Variants in CSMD3 observed in about 807,000 individuals in gnomAD.
CSMD3 encodes the protein CUB and sushi domain-containing protein 3.
A neutral mutation model predicts 435.2 loss-of-function variants in CSMD3; 177 were observed. The observed-to-expected ratio is 0.41, with a 90% CI of 0.36 to 0.46. The LOEUF (loss-of-function observed/expected upper bound fraction) is 0.46, where lower values mean the gene tolerates loss of function less well. CSMD3 is among the 20% of genes least tolerant of loss of function. The pLI is 0.34. For synonymous variants in CSMD3, 1,656 were observed against 1,520.5 expected (o/e 1.09, Z -2.07); for missense variants, 4,265 against 4,504.6 (o/e 0.95, Z 1.52).
chr8:112,258,809 G>A (rs1816075343), intron 61 of CSMD3, among the ~76,000 whole-genome samples: 1 of 152,178 alleles, frequency 6.6e-6, no homozygotes, highest in Non-Finnish European at 1.5e-5. Flanking sequence ...GGAGGCCAAG[G>A]CGGGCGGATC....
intron 1 of CSMD3, among the ~76,000 whole-genome samples, chr8:113,424,565 A>G (rs568847714): frequency 4.8e-4 from 72 of 151,426 alleles, no homozygotes; most frequent in Admixed American, 5.3e-4. Flanking sequence ...GCCAAGGAGG[A>G]GTTCTGAGAC....
chr8:113,223,192 G>C (rs538055419), intron 3 of CSMD3, among the ~76,000 whole-genome samples: 1 of 150,062 alleles, frequency 6.7e-6, no homozygotes, highest in South Asian at 2.1e-4. Flanking sequence ...TCAAAATATA[G>C]CTCATTTTAA....
At chr8:113,019,817 G>T (rs1187165907) in intron 5 of CSMD3, among the ~76,000 whole-genome samples, 1 of 151,898 alleles carries the variant, frequency 6.6e-6, no homozygotes. Context: ...AACAAGCATT[G>T]CTTTTATGTA....
In CSMD3 at chr8:112,403,410, C is replaced by T. The variant is rs72674772; in HGVS notation, c.5809+3114G>A. 3.5e-3 allele frequency among the ~76,000 whole-genome samples: 532 copies of T among 152,220 alleles called. 2 individuals are homozygous for T. Among genetic ancestry groups the T allele is most frequent in the Middle Eastern group, 0.02 (6 of 294 alleles). On this transcript the variant is annotated intron_variant, in intron 35 of 70. Transcript: ENST00000297405. Reference sequence around the variant, plus strand: ...ACAAATATGTATTTAAATTACTTAGCATGGAATCGGGCTCTTTTAGACAAT... The same window carrying T: ...ACAAATATGTATTTAAATTACTTAGTATGGAATCGGGCTCTTTTAGACAAT...
At chr8:112,288,981 C>G (rs1172504499) in intron 57 of CSMD3, among the ~76,000 whole-genome samples, 1 of 151,890 alleles carries the variant, frequency 6.6e-6, no homozygotes, top group Admixed American at 6.6e-5. Context: ...GACAGAAAAC[C>G]ACTGATACAA....
At chr8:112,486,290 C>A (rs1820129136) in intron 31 of CSMD3, among the ~76,000 whole-genome samples, 1 of 151,980 alleles carries the variant, frequency 6.6e-6, no homozygotes, top group African/African-American at 2.4e-5. Flanking sequence ...ATACAAAGTC[C>A]TTTGCAGAAT....
chr8:113,290,209 T>A (rs1039298565), intron 2 of CSMD3, among the ~76,000 whole-genome samples: 3 of 151,638 alleles, frequency 2.0e-5, no homozygotes, highest in Admixed American at 6.6e-5. Context: ...TTAAAAAATA[T>A]ATTAAGAAGA....
At chr8:113,139,526 G>A (rs183984950) in intron 4 of CSMD3, among the ~76,000 whole-genome samples, 64 of 150,952 alleles carry the variant, frequency 4.2e-4, no homozygotes, top group Non-Finnish European at 2.4e-4. Flanking sequence ...GCACATAGCC[G>A]TGATAAATTA....
intron 32 of CSMD3, among the ~76,000 whole-genome samples, chr8:112,431,264 G>T (rs1813675154): frequency 6.6e-6 from 1 of 151,974 alleles, no homozygotes; most frequent in Admixed American, 6.6e-5. Flanking sequence ...TAATTTTTAA[G>T]TTTACCAAAA....
chr8:113,167,982 T>C (rs1319590084), intron 4 of CSMD3, among the ~76,000 whole-genome samples: 1 of 152,152 alleles, frequency 6.6e-6, no homozygotes, highest in African/African-American at 2.4e-5. Flanking sequence ...AAATAATATG[T>C]TTGAAAATGA....
chr8:112,701,236 C>T (rs567932535), intron 13 of CSMD3, among the ~76,000 whole-genome samples: 16 of 152,206 alleles, frequency 1.1e-4, no homozygotes, highest in African/African-American at 3.9e-4. Context: ...AAGGTGGAAA[C>T]ATGGATGTAA....
chr8:112,751,654 C>T (rs575350577), intron 13 of CSMD3, among the ~76,000 whole-genome samples: 168 of 141,720 alleles, frequency 1.2e-3, no homozygotes, highest in African/African-American at 3.9e-3. Context: ...ATATATTTTA[C>T]CTATTCTCCT....
At chr8:112,614,937 A>G (rs776413170) in intron 22 of CSMD3, among the ~76,000 whole-genome samples, 2 of 152,096 alleles carry the variant, frequency 1.3e-5, no homozygotes, top group Non-Finnish European at 2.9e-5. Context: ...CTAGCATAAA[A>G]ATTGGAGTTG....
intron 16 of CSMD3, among the ~76,000 whole-genome samples, chr8:112,681,457 G>C (rs1402937711): frequency 6.6e-6 from 1 of 151,954 alleles, no homozygotes; most frequent in Non-Finnish European, 1.5e-5. Flanking sequence ...TCTAAATAAA[G>C]GTCCCTCATT....
rs766890809 is a variant in CSMD3 at position 112,336,794 on chromosome 8, T to G, written c.6877A>C (p.Thr2293Pro). 1 of 1,613,074 alleles carries G rather than the reference T, an allele frequency of 6.2e-7. No individual in the cohort carries two copies. Reference sequence around the variant, plus strand: ...TCAGGATACCCAGGAGAATAAATGGTGCCATTCATTGCAGTTATATTCCCA... The same window carrying G: ...TCAGGATACCCAGGAGAATAAATGGGGCCATTCATTGCAGTTATATTCCCA... ...CGGNITAMNG[T>P]IYSPGYPDEY... The change falls in exon 44 of 71, where the codon ACC becomes CCC. Residue 2293 changes from threonine to proline, a missense_variant. Around this residue, in one of 3 missense-constraint regions of CSMD3, gnomAD observed 3,255 missense variants for 3,380.2 expected, o/e 0.96. Transcript: ENST00000297405.
chr8:112,549,642 C>T (rs1454266769), intron 27 of CSMD3, among the ~76,000 whole-genome samples: 1 of 151,940 alleles, frequency 6.6e-6, no homozygotes, highest in Non-Finnish European at 1.5e-5. Flanking sequence ...CAAGACATTT[C>T]AATGTTACAT....
intron 3 of CSMD3, among the ~76,000 whole-genome samples, chr8:113,185,663 A>C (rs975115806): frequency 1.3e-5 from 2 of 152,014 alleles, no homozygotes; most frequent in South Asian, 4.1e-4. Context: ...TGGGCTGTAG[A>C]GTATGTTTCT....
Position 112,879,905 on chromosome 8 carries a change from C to G in CSMD3, c.1634-20639G>C, listed in dbSNP as rs372434899. 1.5e-4 allele frequency among the ~76,000 whole-genome samples: 23 copies of G among 152,022 alleles called. 2 individuals carry two copies. Among genetic ancestry groups the G allele is most frequent in the Admixed American group, 1.3e-3 (20 of 15,234 alleles). On this transcript the variant is annotated intron_variant, in intron 10 of 70. Coordinates refer to ENST00000297405, the MANE Select transcript of CSMD3 (RefSeq NM_198123.2). Reference sequence around the variant, plus strand: ...TGGATACAGGAAGGGGAACATCACACACCTGGGCCTGTTGGGGGGTGGAGG... The same window carrying G: ...TGGATACAGGAAGGGGAACATCACAGACCTGGGCCTGTTGGGGGGTGGAGG...
At chr8:113,110,646 C>A (rs2090610719) in intron 4 of CSMD3, among the ~76,000 whole-genome samples, 1 of 152,102 alleles carries the variant, frequency 6.6e-6, no homozygotes, top group Non-Finnish European at 1.5e-5. Context: ...TCTTTCTGAA[C>A]CCTCACCAAG....
Sources: gnomAD v4.1 joint callset for allele counts (sites outside exome capture counted in the v4.1 genomes callset) on GRCh38, gnomAD v4.1.1 for gene constraint, gnomAD v4.1.1 regional missense constraint, MANE v1.5 for transcripts, NCBI Gene and HGNC (gene_info 2026-07-23, HGNC 2026-07-21) for gene names.